ZDHHC1: variants seen among roughly 807,000 people sequenced by gnomAD.
The protein encoded by ZDHHC1 is zDHHC palmitoyltransferase 1, also known as palmitoyltransferase ZDHHC1.
ZDHHC1 carries 45 observed loss-of-function variants against 46.9 expected under a neutral mutation model. That is an observed-to-expected ratio of 0.96 (90% CI 0.76 to 1.23). The LOEUF is 1.23. Among genes scored for constraint, ZDHHC1 ranks in the 50% most tolerant of loss-of-function variants. ZDHHC1 has a pLI of 0.00. For missense variants in ZDHHC1, 649 were observed against 670.8 expected (o/e 0.97, Z 0.36); for synonymous variants, 291 against 286.0 (o/e 1.02, Z -0.18).
Position 67,394,808 on chromosome 16 carries a change from GGCGC to G in ZDHHC1, c.1247_1250del (p.Gly416AlafsTer48). On this transcript the variant is annotated frameshift_variant, in exon 12 of 12. Coordinates refer to ENST00000565726, the MANE Select transcript of ZDHHC1 (RefSeq NM_001323627.2). LOFTEE classifies it low-confidence loss of function (END_TRUNC). Reference sequence around the variant, plus strand: ...CGGACTCTGCCGACGCCGAGTGGTAGGCGCCGGCAGGGCCAGCGGCGTGCACAGG... The same window carrying G: ...CGGACTCTGCCGACGCCGAGTGGTAGCGGCAGGGCCAGCGGCGTGCACAGG... The G allele has an allele frequency of 9.2e-6, 14 of 1,526,906 alleles. No homozygotes were observed. The highest frequency in any genetic ancestry group is 8.1e-5 in the Admixed American group (4 of 49,304). 94.6% of individuals were successfully genotyped at this position (1,526,906 alleles called of 1,614,324 possible).
chr16:67,405,935 C>T (rs1339856079), intron 3 of ZDHHC1, among the ~76,000 whole-genome samples: 2 of 152,194 alleles, frequency 1.3e-5, no homozygotes, highest in Non-Finnish European at 2.9e-5. Context: ...TCCTGTGGTG[C>T]CTCTGTGGAC....
intron 8 of ZDHHC1, among the ~76,000 whole-genome samples, chr16:67,396,926 A>G (rs2040445672): frequency 6.6e-6 from 1 of 152,198 alleles, no homozygotes. Flanking sequence ...GGCCCTAGCC[A>G]GCTCAAGAAG....
intron 1 of ZDHHC1, among the ~76,000 whole-genome samples, chr16:67,412,805 CTTTTT>C (rs561579879): frequency 2.7e-5 from 4 of 146,548 alleles, no homozygotes; most frequent in African/African-American, 1.0e-4. Flanking sequence ...TTTTCTTTCA[CTTTTT>C]TTTTTTTAAG....
chr16:67,394,818 G>GATCTCGGT lies in ZDHHC1; in HGVS notation c.1240_1241insACCGAGAT (p.Pro414HisfsTer54). The GATCTCGGT allele has an allele frequency of 6.5e-7, 1 of 1,543,414 alleles. No homozygotes were observed. The highest frequency in any genetic ancestry group is 2.0e-5 in the Admixed American group (1 of 51,102). ...CGACGCCGAGTGGTAGGCGCCGGCA[G>GATCTCGGT]GGCCAGCGGCGTGCACAGGGCTGGC... On this transcript the variant is annotated frameshift_variant, in exon 12 of 12. Coordinates refer to ENST00000565726, the MANE Select transcript of ZDHHC1 (RefSeq NM_001323627.2). LOFTEE classifies it low-confidence loss of function (END_TRUNC).
chr16:67,415,436 G>A (rs544949211), intron 1 of ZDHHC1, among the ~76,000 whole-genome samples: 1 of 151,790 alleles, frequency 6.6e-6, no homozygotes, highest in Non-Finnish European at 1.5e-5. Context: ...TCCAGCCTGG[G>A]TGACAAAGGG....
At chr16:67,404,477 G>A (rs2040616126) in intron 3 of ZDHHC1, 1 of 327,576 alleles carries the variant, frequency 3.1e-6, no homozygotes, top group Non-Finnish European at 6.1e-6. Context: ...CAGGGGACCT[G>A]AGAGAGCCTG....
chr16:67,398,432 G>A (rs1027384876), intron 7 of ZDHHC1, 108 bp from the exon 8 acceptor site: 38 of 1,507,694 alleles, frequency 2.5e-5, no homozygotes, highest in East Asian at 4.7e-5. Flanking sequence ...CCAAATACAC[G>A]AAGCCATCAG....
intron 4 of ZDHHC1, among the ~76,000 whole-genome samples, chr16:67,399,663 G>A (rs2040509784): frequency 6.6e-6 from 1 of 152,190 alleles, no homozygotes; most frequent in Admixed American, 6.5e-5. Flanking sequence ...AGAGCTGGGG[G>A]ACCCCAGAGG....
At chr16:67,410,426 C>T (rs996588725) in intron 1 of ZDHHC1, among the ~76,000 whole-genome samples, 12 of 152,038 alleles carry the variant, frequency 7.9e-5, no homozygotes, top group African/African-American at 1.4e-4. Flanking sequence ...TCAGGCTGGC[C>T]GGGATAAAGG....
intron 8 of ZDHHC1, 50 bp downstream of exon 8, chr16:67,398,162 G>T: frequency 1.3e-6 from 2 of 1,575,438 alleles, no homozygotes; most frequent in Non-Finnish European, 1.7e-6. Flanking sequence ...TCGCTGCACA[G>T]CCCAACACCC....
rs1245486029 is a variant in ZDHHC1 at position 67,398,938 on chromosome 16, A to G, written c.537T>C (p.Phe179=). The change falls in exon 6 of 12, where the codon TTT becomes TTC. Residue 179 remains phenylalanine, a synonymous_variant. Transcript: ENST00000565726. ...GTAAAGCGGATGCAACACTGTGTAG[A>G]AAGAGCCTGGGCCCAGCCATGGGTC... ...NCVGERNYRL[F]LHSVASALLG... is the part of the protein sequence containing the mutation. The G allele has an allele frequency of 1.2e-6, 2 of 1,612,778 alleles. No homozygotes were observed. Among genetic ancestry groups the G allele is most frequent in the African/African-American group, 1.3e-5 (1 of 74,916 alleles).
At position 67,394,551 on chromosome 16, in the gene ZDHHC1, G is replaced by T. The variant is rs569706343; in HGVS notation, c.*59C>A. The T allele has an allele frequency of 1.2e-5, 14 of 1,123,716 alleles. No homozygotes were observed. The highest frequency in any genetic ancestry group is 1.6e-5 in the African/African-American group (1 of 60,740). The allele number at this position is 1,123,716 out of a possible 1,614,324, so 69.6% of individuals were successfully genotyped here. A position where few individuals can be genotyped will look rare whatever the true frequency, so the allele number is the denominator to read the frequency against. Reference sequence around the variant, plus strand: ...GTGCACTCGGTGCGGCAAGGATGGGGTGTTGCATAGAGAGTCAGGCCGGCC... The same window carrying T: ...GTGCACTCGGTGCGGCAAGGATGGGTTGTTGCATAGAGAGTCAGGCCGGCC... On this transcript the variant is annotated 3_prime_UTR_variant, in exon 12 of 12. Coordinates refer to ENST00000565726, the MANE Select transcript of ZDHHC1 (RefSeq NM_001323627.2).
At position 67,398,342 on chromosome 16, in the gene ZDHHC1, G is replaced by A. The variant is rs369872074; in HGVS notation, c.815-18C>T. 7.7e-4 allele frequency: 1,241 copies of A among 1,608,942 alleles called. 1 individual carries two copies. The highest frequency in any genetic ancestry group is 1.0e-3 in the Non-Finnish European group (1,187 of 1,177,378). Reference sequence around the variant, plus strand: ...GTGCCACACTGGTGGGGGGAGGAGAGGGCTCAGTGCGGTGGAAGGGGGACT... The same window carrying A: ...GTGCCACACTGGTGGGGGGAGGAGAAGGCTCAGTGCGGTGGAAGGGGGACT... On this transcript the variant is annotated intron_variant, in intron 7 of 11. Coordinates refer to ENST00000565726, the MANE Select transcript of ZDHHC1 (RefSeq NM_001323627.2).
At chr16:67,413,496 C>G (rs1039153728) in intron 1 of ZDHHC1, among the ~76,000 whole-genome samples, 1 of 152,164 alleles carries the variant, frequency 6.6e-6, no homozygotes, top group Non-Finnish European at 1.5e-5. Flanking sequence ...CCTTAAAATT[C>G]TGAGAAGCAG....
rs771801090 is a variant in ZDHHC1 at position 67,394,669 on chromosome 16, C to G, written c.1390G>C (p.Val464Leu). 6.4e-6 allele frequency: 8 copies of G among 1,249,354 alleles called. No homozygotes were observed. The highest frequency in any genetic ancestry group is 4.1e-5 in the Admixed American group (1 of 24,118). 77.4% of individuals were successfully genotyped at this position (1,249,354 alleles called of 1,614,324 possible). A position where few individuals can be genotyped will look rare whatever the true frequency, so the allele number is the denominator to read the frequency against. ...ARQARAPAVF[V>L]SPSSGEPRAP... is the part of the protein sequence containing the mutation. The stretch of plus-strand genomic sequence containing the variant: ...CTGGGCTCGCCGCTGCTCGGGCTCA[C>G]GAAAACGGCGGGCGCACGCGCCTGC... Residue 464 changes from valine (V) to leucine (L), a missense_variant, in exon 12 of 12, where the codon GTG becomes CTG. Transcript: ENST00000565726.
In ZDHHC1 at chr16:67,395,487, G is replaced by T. The variant is rs143510690; in HGVS notation, c.1007C>A (p.Ala336Asp). 1 of 1,553,066 alleles carries T rather than the reference G, an allele frequency of 6.4e-7. No homozygotes were observed. The highest frequency in any genetic ancestry group is 2.0e-5 in the Admixed American group (1 of 51,132). The change falls in exon 9 of 12, where the codon GCC (alanine) becomes GAC (aspartate). Residue 336 changes from alanine to aspartate, a missense_variant. Ala to Asp is a moderately radical substitution (Grantham distance 126). Coordinates refer to ENST00000565726, the MANE Select transcript of ZDHHC1 (RefSeq NM_001323627.2). Reference sequence around the variant, plus strand: ...CACATGCCCAGGTTGCACTCACTTGGCATTCACTGCTGCTGGCCCGGCCTG... The same window carrying T: ...CACATGCCCAGGTTGCACTCACTTGTCATTCACTGCTGCTGGCCCGGCCTG... ...PGQAGPAAVN[A>D]NPSQFLATRG...
intron 3 of ZDHHC1, among the ~76,000 whole-genome samples, chr16:67,403,374 T>G (rs1012883328): frequency 1.3e-5 from 2 of 152,230 alleles, no homozygotes; most frequent in Non-Finnish European, 2.9e-5. Context: ...CTTTGTTAAC[T>G]ATCCTTCAAT....
chr16:67,394,952 C>G, intron 11 of ZDHHC1, 50 bp downstream of exon 11: 1 of 1,570,018 alleles, frequency 6.4e-7, no homozygotes. Context: ...GCTCTGCCTT[C>G]CCCTCCCTCG....
In ZDHHC1 at chr16:67,394,554, T is replaced by C. The variant is rs2040377360; in HGVS notation, c.*56A>G. 6.2e-6 allele frequency: 7 copies of C among 1,124,818 alleles called. No homozygotes were observed. The highest frequency in any genetic ancestry group is 4.9e-5 in the Admixed American group (1 of 20,424). 69.7% of individuals were successfully genotyped at this position (1,124,818 alleles called of 1,614,324 possible). ...CACTCGGTGCGGCAAGGATGGGGTG[T>C]TGCATAGAGAGTCAGGCCGGCCGCT... On this transcript the variant is annotated 3_prime_UTR_variant, in exon 12 of 12. Coordinates refer to ENST00000565726, the MANE Select transcript of ZDHHC1 (RefSeq NM_001323627.2).
Sources: allele counts gnomAD v4.1 joint callset (sites outside exome capture counted in the v4.1 genomes callset), GRCh38; gene constraint gnomAD v4.1.1; transcripts MANE v1.5; gene names NCBI Gene and HGNC (gene_info 2026-07-23, HGNC 2026-07-21).